DLG2: variants seen among roughly 807,000 people sequenced by gnomAD.
The protein encoded by DLG2 is discs large MAGUK scaffold protein 2.
In DLG2, 45 loss-of-function variants were observed where a neutral mutation model predicts 132.5. The ratio of observed to expected loss-of-function variants is 0.34; its 90% CI spans 0.27 to 0.44. The LOEUF is 0.44. Ranked by LOEUF, DLG2 falls within the 20% of genes least tolerant of loss-of-function variation. The pLI is 1.00. For missense variants in DLG2, 1,045 were observed against 1,196.9 expected (o/e 0.87, Z 1.87); for synonymous variants, 424 against 419.6 (o/e 1.01, Z -0.13).
chr11:84,246,788 A>G (rs989527471), intron 8 of DLG2, among the ~76,000 whole-genome samples: 1 of 152,170 alleles, frequency 6.6e-6, no homozygotes, highest in Non-Finnish European at 1.5e-5. Flanking sequence ...TGTGTCATCC[A>G]TGGATAAGGT....
At chr11:84,086,840 C>T (rs1363986913) in intron 10 of DLG2, among the ~76,000 whole-genome samples, 2 of 152,150 alleles carry the variant, frequency 1.3e-5, no homozygotes, top group African/African-American at 4.8e-5. Context: ...TTACTAGCCC[C>T]TGGCAACCAC....
At chr11:84,072,295 G>C (rs1469539148) in intron 10 of DLG2, among the ~76,000 whole-genome samples, 2 of 152,204 alleles carry the variant, frequency 1.3e-5, no homozygotes, top group African/African-American at 4.8e-5. Flanking sequence ...CATTATGCAA[G>C]TTCATTGGTC....
chr11:84,133,298 A>C (rs1351476452), intron 9 of DLG2, among the ~76,000 whole-genome samples: 3 of 152,188 alleles, frequency 2.0e-5, no homozygotes, highest in Admixed American at 6.6e-5. Flanking sequence ...AGGAGGAAAT[A>C]TATTCTATTC....
chr11:83,780,470 A>G (rs1224200097), intron 18 of DLG2, among the ~76,000 whole-genome samples: 1 of 152,208 alleles, frequency 6.6e-6, no homozygotes, highest in South Asian at 2.1e-4. Flanking sequence ...TTTCTGCATT[A>G]AAGTGTGGTA....
chr11:84,395,613 T>C (rs2098808262), intron 7 of DLG2, among the ~76,000 whole-genome samples: 1 of 152,198 alleles, frequency 6.6e-6, no homozygotes, highest in South Asian at 2.1e-4. Context: ...AGGCAGGGTT[T>C]TGCCATGTTG....
At chr11:84,666,056 G>A (rs1013082593) in intron 6 of DLG2, among the ~76,000 whole-genome samples, 3 of 152,072 alleles carry the variant, frequency 2.0e-5, no homozygotes, top group Non-Finnish European at 2.9e-5. Context: ...CTAGGAATTC[G>A]GCTAACACAT....
At chr11:85,076,378 C>T (rs796946340) in intron 6 of DLG2, among the ~76,000 whole-genome samples, 2 of 151,900 alleles carry the variant, frequency 1.3e-5, no homozygotes, top group African/African-American at 4.8e-5. Flanking sequence ...CAAACACTTC[C>T]TGATGAGTTC....
At chr11:85,296,224 A>C (rs1423740519) in intron 3 of DLG2, among the ~76,000 whole-genome samples, 2 of 152,174 alleles carry the variant, frequency 1.3e-5, no homozygotes, top group African/African-American at 2.4e-5. Context: ...AGATTTACTT[A>C]ATATTCTGTT....
chr11:85,494,169 T>A (rs1189008303), intron 3 of DLG2, among the ~76,000 whole-genome samples: 6 of 152,180 alleles, frequency 3.9e-5, no homozygotes, highest in African/African-American at 1.4e-4. Flanking sequence ...GCATTGGGGA[T>A]TAAGTTTCAA....
At chr11:84,251,369 C>G in intron 7 of DLG2, 78 bp from the exon 8 acceptor site, 2 of 1,135,328 alleles carry the variant, frequency 1.8e-6, no homozygotes, top group South Asian at 1.6e-5. Context: ...ACTTATTTAA[C>G]AAAGAGCTCA....
chr11:84,638,425 C>A (rs2099644418), intron 6 of DLG2, among the ~76,000 whole-genome samples: 1 of 152,154 alleles, frequency 6.6e-6, no homozygotes, highest in Non-Finnish European at 1.5e-5. Context: ...CATCCCATGG[C>A]AACCTAACAA....
intron 6 of DLG2, among the ~76,000 whole-genome samples, chr11:84,771,732 A>G (rs2069436468): frequency 6.6e-6 from 1 of 152,182 alleles, no homozygotes; most frequent in Non-Finnish European, 1.5e-5. Flanking sequence ...ACAACCACAC[A>G]TGGAAACTAG....
chr11:85,035,593 C>G (rs1267339445), intron 6 of DLG2, among the ~76,000 whole-genome samples: 1 of 152,186 alleles, frequency 6.6e-6, no homozygotes, highest in Non-Finnish European at 1.5e-5. Context: ...CCAAGTCCCT[C>G]TTTTGACACG....
At chr11:85,098,368 G>A (rs1234448521) in intron 6 of DLG2, among the ~76,000 whole-genome samples, 2 of 152,178 alleles carry the variant, frequency 1.3e-5, no homozygotes, top group Non-Finnish European at 2.9e-5. Flanking sequence ...AATGCACAGG[G>A]ACTGGATTAG....
intron 3 of DLG2, among the ~76,000 whole-genome samples, chr11:85,401,329 G>A (rs2088079060): frequency 6.6e-6 from 1 of 152,014 alleles, no homozygotes; most frequent in Non-Finnish European, 1.5e-5. Context: ...GGTGTTGATG[G>A]AACGTATCTC....
At chr11:84,388,974 A>G (rs1355391101) in intron 7 of DLG2, among the ~76,000 whole-genome samples, 1 of 152,058 alleles carries the variant, frequency 6.6e-6, no homozygotes, top group African/African-American at 2.4e-5. Context: ...TTCCTCCACT[A>G]AAGGATATAC....
At chr11:83,519,905 A>G (rs1323149267) in intron 21 of DLG2, among the ~76,000 whole-genome samples, 1 of 152,204 alleles carries the variant, frequency 6.6e-6, no homozygotes, top group Admixed American at 6.5e-5. Flanking sequence ...TAGAGCCATT[A>G]GACTTGGGAG....
intron 15 of DLG2, among the ~76,000 whole-genome samples, chr11:83,885,371 A>G (rs12786549): frequency 0.086 from 13,022 of 152,298 alleles, 773 homozygotes; most frequent in Non-Finnish European, 0.13. Flanking sequence ...AATGAATGAA[A>G]TGAAGTGACA....
In DLG2 at chr11:85,160,384, G is replaced by A. The variant is rs546090534; in HGVS notation, c.187-5733C>T. Among the ~76,000 whole-genome samples, 77 of 152,304 alleles carry A rather than the reference G, an allele frequency of 5.1e-4. 1 individual carries two copies. In the South Asian group the frequency reaches 0.015, roughly 30 times the overall value. On this transcript the variant is annotated intron_variant, in intron 4 of 27. Coordinates refer to ENST00000376104, the MANE Select transcript of DLG2 (RefSeq NM_001142699.3). ...TGGAGCCTTCGGCAGGCCCCCATAGGTGAATCACAGCAGAGGCTTCTAGGA... is the reference window on the plus strand; with the variant it reads ...TGGAGCCTTCGGCAGGCCCCCATAGATGAATCACAGCAGAGGCTTCTAGGA...
Sources: allele counts gnomAD v4.1 joint callset (sites outside exome capture counted in the v4.1 genomes callset), GRCh38; gene constraint gnomAD v4.1.1; transcripts MANE v1.5; gene names NCBI Gene and HGNC (gene_info 2026-07-23, HGNC 2026-07-21).